Variants in TNC observed in about 807,000 individuals in gnomAD.
TNC encodes tenascin.
In TNC, 109 loss-of-function variants were observed where a neutral mutation model predicts 202.4. The ratio of observed to expected loss-of-function variants is 0.54; its 90% CI spans 0.46 to 0.63. TNC has a LOEUF of 0.63. Ranked by LOEUF, TNC falls within the 30% of genes least tolerant of loss-of-function variation. The pLI, the probability that TNC is intolerant of heterozygous loss-of-function variation, is 0.00. For missense variants in TNC, 2,756 were observed against 2,833.3 expected (o/e 0.97, Z 0.62); for synonymous variants, 1,007 against 1,089.7 (o/e 0.92, Z 1.50).
Position 115,092,670 on chromosome 9 carries a change from T to C in TNC, c.-136-1516A>G, listed in dbSNP as rs145958001. ...CTCTCTGCAACTTCCGCCTCCCAGG[T>C]TCAAGTGATCCTCCTGCCTCAGCCT... On this transcript the variant is annotated intron_variant, in intron 1 of 27. Coordinates refer to ENST00000350763, the MANE Select transcript of TNC (RefSeq NM_002160.4). 9.9e-3 allele frequency among the ~76,000 whole-genome samples: 1,503 copies of C among 152,152 alleles called. 23 individuals carry two copies. The highest frequency in any genetic ancestry group is 0.035 in the African/African-American group (1,446 of 41,478).
chr9:115,084,144 G>A (rs1181640982), intron 4 of TNC, 65 bp downstream of exon 4: 7 of 1,545,836 alleles, frequency 4.5e-6, no homozygotes, highest in Non-Finnish European at 6.1e-6. Flanking sequence ...CCGTGGCGAG[G>A]GAGGGTTATA....
chr9:115,043,483 TC>T (rs772795667), intron 17 of TNC, among the ~76,000 whole-genome samples: 1 of 152,008 alleles, frequency 6.6e-6, no homozygotes, highest in Non-Finnish European at 1.5e-5. Flanking sequence ...CTTGGGCAGG[TC>T]CCTTCACTTC....
At position 115,067,214 on chromosome 9, in the gene TNC, C is replaced by T. The variant is rs146340684; in HGVS notation, c.3215-2295G>A. Among the ~76,000 whole-genome samples, 19 of 152,318 alleles carry T rather than the reference C, an allele frequency of 1.2e-4. No individual in the cohort carries two copies. In the East Asian group the frequency reaches 3.3e-3, roughly 26 times the overall value. On this transcript the variant is annotated intron_variant, in intron 10 of 27. Transcript: ENST00000350763. ...ACATTGGGATTTAAGCACAACTAAA[C>T]TCAAGAGCATGTCCTTCTCAAATAT...
chr9:115,095,783 A>G (rs1482829421), intron 1 of TNC, among the ~76,000 whole-genome samples: 1 of 148,530 alleles, frequency 6.7e-6, no homozygotes, highest in Non-Finnish European at 1.5e-5. Flanking sequence ...GATGTAACAT[A>G]ATATTACATA....
rs749119261 is a variant in TNC at position 115,042,352 on chromosome 9, G to A, written c.5126-11C>T. The A allele has an allele frequency of 7.4e-6, 12 of 1,613,572 alleles. No homozygotes were observed. Among genetic ancestry groups the A allele is most frequent in the African/African-American group, 2.7e-5 (2 of 74,904 alleles). ...TTGGGGAGCCCATGGCTGTCAAGAA[G>A]AAAGCACAAGAGAAGCCCAGAAACA... On this transcript the variant is annotated splice_polypyrimidine_tract_variant and intron_variant, in intron 17 of 27. Coordinates refer to ENST00000350763, the MANE Select transcript of TNC (RefSeq NM_002160.4).
rs960186363 is a variant in TNC, at chr9:115,042,471, G to A, written c.5126-130C>T. On this transcript the variant is annotated intron_variant, in intron 17 of 27. Transcript: ENST00000350763. ...TGTGTCTGAGCCAAGCCTTTAGGAT[G>A]GAGAATGTGGTGATCTGTGGTTAAG... 4 of 1,247,694 alleles carry A rather than the reference G, an allele frequency of 3.2e-6. No homozygotes were observed. The Admixed American group carries it at 9.7e-5, about 30-fold the overall frequency. 77.3% of individuals were successfully genotyped at this position (1,247,694 alleles called of 1,614,324 possible).
rs765458101 is a variant in TNC, at chr9:115,041,002, G to T, written c.5331C>A (p.Val1777=). The part of the protein sequence containing the change: ...VKLIPGVEYL[V]SIIAMKGFEE... The stretch of plus-strand genomic sequence containing the variant: ...CAAAGCCCTTCATGGCGATGATGCT[G>T]ACAAGGTACTCCACGCCAGGTATGA... The change falls in exon 19 of 28, where the codon GTC becomes GTA. Residue 1777 remains valine (V), a synonymous_variant. Coordinates refer to ENST00000350763, the MANE Select transcript of TNC (RefSeq NM_002160.4). 8 of 1,614,064 alleles carry T rather than the reference G, an allele frequency of 5.0e-6. No homozygotes were observed. The highest frequency in any genetic ancestry group is 6.8e-6 in the Non-Finnish European group (8 of 1,180,010).
intron 1 of TNC, among the ~76,000 whole-genome samples, chr9:115,117,158 C>A (rs1837527823): frequency 1.3e-5 from 2 of 152,206 alleles, no homozygotes; most frequent in Admixed American, 1.3e-4. Context: ...GAATACCAAA[C>A]ACCTCTGGCT....
intron 10 of TNC, among the ~76,000 whole-genome samples, chr9:115,067,195 G>A (rs1240485866): frequency 6.6e-6 from 1 of 152,160 alleles, no homozygotes; most frequent in Admixed American, 6.5e-5. Context: ...CTTGACATTG[G>A]GATTTAAGCA....
At chr9:115,067,463 T>C (rs910544451) in intron 10 of TNC, among the ~76,000 whole-genome samples, 1 of 152,196 alleles carries the variant, frequency 6.6e-6, no homozygotes, top group Non-Finnish European at 1.5e-5. Flanking sequence ...TCCTTATGTC[T>C]AATTGTTACA....
rs755601302 is a variant in TNC, at chr9:115,086,834, G to A, written c.897C>T (p.Cys299=). 1.7e-5 allele frequency: 28 copies of A among 1,614,126 alleles called. No individual in the cohort carries two copies. The highest frequency in any genetic ancestry group is 2.3e-5 in the Non-Finnish European group (27 of 1,180,032). Residue 299 remains cysteine, a synonymous_variant, in exon 3 of 28, where the codon TGC becomes TGT. Coordinates refer to ENST00000350763, the MANE Select transcript of TNC (RefSeq NM_002160.4). ...YNRGRCVENE[C]VCDEGFTGED... is the part of the protein sequence containing the mutation. ...CGCCCGTGAAACCCTCATCACACAC[G>A]CACTCATTCTCCACGCATCGTCCAC...
intron 20 of TNC, 33 bp from the exon 21 acceptor site, chr9:115,036,274 C>G (rs567960595): frequency 1.2e-6 from 2 of 1,610,402 alleles, no homozygotes; most frequent in Non-Finnish European, 1.7e-6. Flanking sequence ...AAGGCAGTCA[C>G]CTCTCACTGT....
At chr9:115,041,183 ATAT>A in intron 18 of TNC, 99 bp from the exon 19 acceptor site, 1 of 1,343,586 alleles carries the variant, frequency 7.4e-7, no homozygotes, top group South Asian at 1.5e-5. Flanking sequence ...AAATGAAACT[ATAT>A]CTTCATCAAA....
chr9:115,098,656 C>A (rs1425182710), intron 1 of TNC, among the ~76,000 whole-genome samples: 1 of 152,170 alleles, frequency 6.6e-6, no homozygotes, highest in Non-Finnish European at 1.5e-5. Flanking sequence ...ATGAAATATT[C>A]TAGGTTTGGG....
intron 10 of TNC, among the ~76,000 whole-genome samples, chr9:115,071,854 T>C (rs114936961): frequency 0.013 from 2,011 of 152,346 alleles, 47 homozygotes; most frequent in African/African-American, 0.046. Flanking sequence ...AAAGCTGAAA[T>C]TTAAATCTCT....
Position 115,086,947 on chromosome 9 carries a change from T to A in TNC, c.784A>T (p.Thr262Ser). 1 of 1,614,224 alleles carries A rather than the reference T, an allele frequency of 6.2e-7. No homozygotes were observed. The highest frequency in any genetic ancestry group is 8.5e-7 in the Non-Finnish European group (1 of 1,180,050). The change falls in exon 3 of 28, where the codon ACA becomes TCA. Residue 262 changes from threonine to serine, a missense_variant. Thr to Ser is a moderately conservative substitution (Grantham distance 58). This residue lies in a region of TNC where 2,559 missense variants were observed against 2,546.0 expected (regional missense o/e 1.01). Coordinates refer to ENST00000350763, the MANE Select transcript of TNC (RefSeq NM_002160.4). ...CPVPCSEEHG[T>S]CVDGLCVCHD... ...CACACACACAAGCCATCTACACATG[T>A]GCCGTGCTCCTCACTGCAGGGCACT...
intron 15 of TNC, among the ~76,000 whole-genome samples, chr9:115,056,679 GA>G (rs1034936631): frequency 3.3e-5 from 5 of 152,050 alleles, no homozygotes; most frequent in Non-Finnish European, 7.4e-5. Flanking sequence ...TTCCCAGTTG[GA>G]AAAAAATACC....
chr9:115,086,401 G>A lies in TNC; in HGVS notation c.1330C>T (p.His444Tyr), dbSNP rs201871237. The change falls in exon 3 of 28, where the codon CAC becomes TAC. Residue 444 changes from histidine to tyrosine, a missense_variant. This residue lies in a region of TNC where 2,559 missense variants were observed against 2,546.0 expected (regional missense o/e 1.01). Coordinates refer to ENST00000350763, the MANE Select transcript of TNC (RefSeq NM_002160.4). ...CCCTCGACACAGCGGCCCCGACTGT[G>A]ACAGTCATTGGGGCACCGTAGCTGG... ...CSQLRCPNDCHSRGRCVEGKC... is the reference protein window; with the variant it reads ...CSQLRCPNDCYSRGRCVEGKC... 1.9e-6 allele frequency: 3 copies of A among 1,613,812 alleles called. No homozygotes were observed. The highest frequency in any genetic ancestry group is 1.3e-5 in the African/African-American group (1 of 74,938).
chr9:115,096,069 T>G (rs1435026525), intron 1 of TNC, among the ~76,000 whole-genome samples: 1 of 152,162 alleles, frequency 6.6e-6, no homozygotes, highest in Non-Finnish European at 1.5e-5. Context: ...TGTCAGACTT[T>G]GCTTTCTTTA....
Sources: allele counts gnomAD v4.1 joint callset (sites outside exome capture counted in the v4.1 genomes callset), GRCh38; gene constraint gnomAD v4.1.1; regional missense constraint gnomAD v4.1.1; transcripts MANE v1.5; gene names NCBI Gene and HGNC (gene_info 2026-07-23, HGNC 2026-07-21).